Variants in NMI observed in about 807,000 individuals in gnomAD.
NMI encodes the protein N-myc-interactor.
Under a neutral mutation model 34.3 loss-of-function variants are expected in NMI, and 39 were observed. The ratio of observed to expected loss-of-function variants is 1.14; its 90% confidence interval spans 0.88 to 1.49. NMI has a LOEUF of 1.49. Ranked by LOEUF, NMI falls within the 40% of genes most tolerant of loss-of-function variation. NMI has a pLI of 0.00. For missense variants in NMI, 339 were observed against 358.1 expected (o/e 0.95, Z 0.43); for synonymous variants, 113 against 120.3 (o/e 0.94, Z 0.40).
intron 1 of NMI, among the ~76,000 whole-genome samples, chr2:151,284,000 C>T (rs905649365): frequency 6.7e-6 from 1 of 149,464 alleles, no homozygotes; most frequent in Non-Finnish European, 1.5e-5. Context: ...TATTGTAATA[C>T]ATTGATATAT....
chr2:151,284,743 A>G (rs1219425181), intron 1 of NMI, among the ~76,000 whole-genome samples: 6 of 152,348 alleles, frequency 3.9e-5, no homozygotes, highest in African/African-American at 1.4e-4. Context: ...GGGACAAAGG[A>G]TATCATGATT....
intron 6 of NMI, among the ~76,000 whole-genome samples, chr2:151,272,417 AG>A (rs1231950541): frequency 3.3e-5 from 5 of 152,216 alleles, no homozygotes; most frequent in Admixed American, 2.6e-4. Context: ...AATGATTAAG[AG>A]TGTAGGCCCT....
At chr2:151,278,266 C>T (rs1683324942) in intron 4 of NMI, 1 of 152,800 alleles carries the variant, frequency 6.5e-6, no homozygotes, top group South Asian at 2.1e-4. Context: ...GAACCCCCAG[C>T]TCTGAACAGG....
At chr2:151,272,460 T>G (rs1014316837) in intron 6 of NMI, among the ~76,000 whole-genome samples, 1 of 152,128 alleles carries the variant, frequency 6.6e-6, no homozygotes, top group African/African-American at 2.4e-5. Context: ...ATTGAAACCC[T>G]GAGGCAATGC....
chr2:151,270,635 G>T lies in NMI; in HGVS notation c.*58C>A. 7.4e-7 allele frequency: 1 copy of T among 1,356,724 alleles called. No individual in the cohort carries two copies. The highest frequency in any genetic ancestry group is 1.0e-6 in the Non-Finnish European group (1 of 987,966). The allele number at this position is 1,356,724 out of a possible 1,614,324, so 84.0% of individuals were successfully genotyped here. A position where few individuals can be genotyped will look rare whatever the true frequency, so the allele number is the denominator to read the frequency against. Reference sequence around the variant, plus strand: ...TTTAAGGAAAAGCATATTCATTTTTGTCAAACATTTACAGTAATCCGGGTT... The same window carrying T: ...TTTAAGGAAAAGCATATTCATTTTTTTCAAACATTTACAGTAATCCGGGTT... On this transcript the variant is annotated 3_prime_UTR_variant, in exon 8 of 8. Coordinates refer to ENST00000243346, the MANE Select transcript of NMI (RefSeq NM_004688.3).
Position 151,275,503 on chromosome 2 carries a change from G to A in NMI, c.615C>T (p.Ile205=), listed in dbSNP as rs1428671446. ...DYDRQSGSAV[I]TFVEIGVADK... ...GAGTACCTCCAATCTCCACAAACGT[G>A]ATGACTGCACTCCCGGACTGTCTGT... The change falls in exon 6 of 8, where the codon ATC becomes ATT. Residue 205 remains isoleucine (I), a synonymous_variant. Transcript: ENST00000243346. The A allele has an allele frequency of 6.2e-7, 1 of 1,613,812 alleles. No individual in the cohort carries two copies. Among genetic ancestry groups the A allele is most frequent in the Non-Finnish European group, 8.5e-7 (1 of 1,180,024 alleles).
At chr2:151,281,090 A>G (rs894989486) in intron 3 of NMI, among the ~76,000 whole-genome samples, 20 of 152,094 alleles carry the variant, frequency 1.3e-4, no homozygotes, top group Non-Finnish European at 2.8e-4. Flanking sequence ...CACCCGCCTC[A>G]GCCTCCCAAA....
chr2:151,284,232 G>A (rs1287293871), intron 1 of NMI, among the ~76,000 whole-genome samples: 1 of 151,774 alleles, frequency 6.6e-6, no homozygotes, highest in Non-Finnish European at 1.5e-5. Context: ...GGTGCCAGGT[G>A]CCTATAATCC....
At chr2:151,271,426 T>C (rs1315680811) in intron 7 of NMI, among the ~76,000 whole-genome samples, 200 bp downstream of exon 7, 1 of 152,218 alleles carries the variant, frequency 6.6e-6, no homozygotes, top group African/African-American at 2.4e-5. Flanking sequence ...TTAAAAATTG[T>C]ATAATAAAGT....
At chr2:151,281,803 G>T (rs1398542976) in intron 3 of NMI, 145 bp downstream of exon 3, 5 of 634,078 alleles carry the variant, frequency 7.9e-6, no homozygotes, top group African/African-American at 3.7e-5. Context: ...GAATCATTGG[G>T]TTGTTTTCCA....
chr2:151,271,589 G>GT, intron 7 of NMI, 37 bp downstream of exon 7: 1 of 1,079,176 alleles, frequency 9.3e-7, no homozygotes, highest in Non-Finnish European at 1.4e-6. Flanking sequence ...GGTTTGGGCA[G>GT]TGAGTTCTGA....
At position 151,283,978 on chromosome 2, in the gene NMI, G is replaced by C. The variant is rs542210080; in HGVS notation, c.-6-1024C>G. 2.6e-5 allele frequency among the ~76,000 whole-genome samples: 4 copies of C among 152,226 alleles called. No homozygotes were observed. In the South Asian group the frequency reaches 8.3e-4, roughly 32 times the overall value. On this transcript the variant is annotated intron_variant, in intron 1 of 7. Coordinates refer to ENST00000243346, the MANE Select transcript of NMI (RefSeq NM_004688.3). Reference sequence around the variant, plus strand: ...ACATTAGTTACTAACCTCACCACTAGGTCTTGTAATATATTGTAATACATT... The same window carrying C: ...ACATTAGTTACTAACCTCACCACTACGTCTTGTAATATATTGTAATACATT...
At chr2:151,272,128 A>C (rs1444144769) in intron 6 of NMI, among the ~76,000 whole-genome samples, 1 of 151,838 alleles carries the variant, frequency 6.6e-6, no homozygotes, top group African/African-American at 2.4e-5. Flanking sequence ...AGAATACTAT[A>C]TACATTTTTT....
At chr2:151,281,854 A>G (rs1434615459) in intron 3 of NMI, 94 bp downstream of exon 3, 1 of 706,320 alleles carries the variant, frequency 1.4e-6, no homozygotes, top group East Asian at 2.6e-5. Flanking sequence ...GATGATGATA[A>G]GGTTTTAAAA....
intron 2 of NMI, 145 bp from the exon 3 acceptor site, chr2:151,282,188 C>T (rs1683419294): frequency 1.8e-6 from 1 of 564,820 alleles, no homozygotes; most frequent in Admixed American, 3.7e-5. Flanking sequence ...GTGAATAATG[C>T]ATTTGTTGAA....
intron 3 of NMI, 72 bp downstream of exon 3, chr2:151,281,876 G>T: frequency 1.3e-6 from 1 of 772,332 alleles, no homozygotes; most frequent in Non-Finnish European, 2.2e-6. Flanking sequence ...TGAATTTTGT[G>T]TAATTAAAAT....
At chr2:151,281,918 A>C (rs1223911887) in intron 3 of NMI, 30 bp downstream of exon 3, 1 of 1,073,422 alleles carries the variant, frequency 9.3e-7, no homozygotes, top group East Asian at 2.4e-5. Flanking sequence ...TCCATCAAAA[A>C]TGTAGTATAT....
Position 151,270,498 on chromosome 2 carries a change from CT to C in NMI, c.*194del. ...AAACAAAACTTTTTATTACAGTGCA[CT>C]TATTGTAGTTGAAAACATGCAGCAC... On this transcript the variant is annotated 3_prime_UTR_variant, in exon 8 of 8. Transcript: ENST00000243346. The C allele has an allele frequency of 1.8e-6, 1 of 565,684 alleles. No individual in the cohort carries two copies. Among genetic ancestry groups the C allele is most frequent in the Non-Finnish European group, 3.1e-6 (1 of 325,032 alleles). The allele number at this position is 565,684 out of a possible 1,614,324, so 35.0% of individuals were successfully genotyped here. A position where few individuals can be genotyped will look rare whatever the true frequency, so the allele number is the denominator to read the frequency against.
chr2:151,272,088 T>C (rs1369563779), intron 6 of NMI, among the ~76,000 whole-genome samples: 1 of 152,212 alleles, frequency 6.6e-6, no homozygotes, highest in African/African-American at 2.4e-5. Flanking sequence ...TTTCCCAGTT[T>C]CTCAAAAGCT....
Sources: allele counts gnomAD v4.1 joint callset (sites outside exome capture counted in the v4.1 genomes callset), GRCh38; gene constraint gnomAD v4.1.1; transcripts MANE v1.5; gene names NCBI Gene and HGNC (gene_info 2026-07-23, HGNC 2026-07-21).